Variants in TENM1 observed in about 807,000 individuals in gnomAD.
TENM1 encodes the protein teneurin-1.
A neutral mutation model predicts 174.8 loss-of-function variants in TENM1; 35 were observed. That is an observed-to-expected ratio of 0.20 (90% confidence interval 0.15 to 0.27). The LOEUF (loss-of-function observed/expected upper bound fraction) is 0.27. Among genes scored for constraint, TENM1 ranks in the 10% least tolerant of loss-of-function variants. The pLI is 1.00. For synonymous variants in TENM1, 781 were observed against 798.7 expected (o/e 0.98, Z 0.37); for missense variants, 1,633 against 2,130.1 (o/e 0.77, Z 4.59).
At chrX:124,833,794 C>G (rs1165717882) in intron 3 of TENM1, among the ~76,000 whole-genome samples, 1 of 111,180 alleles carries the variant, frequency 9.0e-6, no homozygotes, top group East Asian at 2.8e-4. Context: ...TATGTCCTTT[C>G]TATCAACCCC....
At chrX:125,106,901 G>A in the TENM1 span, among the ~76,000 whole-genome samples, 23 of 111,765 alleles carry the variant, frequency 2.1e-4, no homozygotes, top group Non-Finnish European at 3.6e-4. Context: ...GAAAGGAAAC[G>A]GTCACAGAAA....
At chrX:124,764,309 T>C (rs184037485) in intron 3 of TENM1, among the ~76,000 whole-genome samples, 3 of 111,864 alleles carry the variant, frequency 2.7e-5, no homozygotes, top group Admixed American at 9.5e-5. Context: ...CCTTTTTATG[T>C]TGCTGTGAAG....
At chrX:124,868,943 G>A (rs1208106335) in intron 3 of TENM1, among the ~76,000 whole-genome samples, 1 of 109,665 alleles carries the variant, frequency 9.1e-6, no homozygotes, top group Non-Finnish European at 1.9e-5. Flanking sequence ...GATCTCACCC[G>A]GCTGGGCGTG....
chrX:124,749,419 C>T (rs1285649629), intron 3 of TENM1, among the ~76,000 whole-genome samples: 2 of 112,037 alleles, frequency 1.8e-5, no homozygotes, highest in Non-Finnish European at 3.8e-5. Context: ...GAGCCATTTC[C>T]ATGAATACAA....
At chrX:124,868,525 A>G (rs755965093) in intron 3 of TENM1, among the ~76,000 whole-genome samples, 5 of 111,628 alleles carry the variant, frequency 4.5e-5, no homozygotes, top group Non-Finnish European at 9.4e-5. Context: ...CTACGAAACT[A>G]CTACAAGAAA....
intron 23 of TENM1, among the ~76,000 whole-genome samples, chrX:124,443,068 G>GTGTGTA (rs1556638298): frequency 2.7e-4 from 19 of 71,355 alleles, no homozygotes; most frequent in African/African-American, 7.8e-4. Context: ...GTGTGTGTGT[G>GTGTGTA]TGTGTGTGTG....
chrX:125,049,293 G>A, the TENM1 span, among the ~76,000 whole-genome samples: 59 of 111,741 alleles, frequency 5.3e-4, no homozygotes, highest in Admixed American at 5.5e-3. Flanking sequence ...CTATTTCTAT[G>A]GATTTGGCTA....
intron 1 of TENM1, among the ~76,000 whole-genome samples, chrX:124,953,409 T>G (rs1457779795): frequency 8.9e-6 from 1 of 111,944 alleles, no homozygotes; most frequent in Admixed American, 9.5e-5. Context: ...TTTCACTAAC[T>G]TTCCTTTTAC....
chrX:124,930,567 C>T (rs1380727767), intron 1 of TENM1, among the ~76,000 whole-genome samples: 1 of 112,027 alleles, frequency 8.9e-6, no homozygotes, highest in Non-Finnish European at 1.9e-5. Context: ...TATATGTGCA[C>T]TTTTTCTCCC....
At chrX:125,091,548 G>C in the TENM1 span, among the ~76,000 whole-genome samples, 46 of 111,520 alleles carry the variant, frequency 4.1e-4, no homozygotes, top group Non-Finnish European at 2.8e-4. Context: ...TGATTCATGG[G>C]GGTATAAGAA....
At chrX:124,475,821 T>A (rs1387670080) in intron 22 of TENM1, among the ~76,000 whole-genome samples, 1 of 111,333 alleles carries the variant, frequency 9.0e-6, no homozygotes, top group African/African-American at 3.3e-5. Flanking sequence ...GCCAACATTA[T>A]CAAAAACGCA....
chrX:124,996,559 AC>A, the TENM1 span, among the ~76,000 whole-genome samples: 1 of 108,015 alleles, frequency 9.3e-6, no homozygotes, highest in Non-Finnish European at 1.9e-5. Context: ...CCACACACAC[AC>A]ACACACACAC....
intron 3 of TENM1, among the ~76,000 whole-genome samples, chrX:124,807,933 A>G (rs139430420): frequency 0.015 from 1,680 of 108,494 alleles, 33 homozygotes; most frequent in African/African-American, 0.051. Context: ...GAAGGAAGGT[A>G]CCAAAGAATC....
At chrX:124,423,001 C>G (rs2060671892) in intron 23 of TENM1, among the ~76,000 whole-genome samples, 1 of 111,855 alleles carries the variant, frequency 8.9e-6, no homozygotes, top group African/African-American at 3.3e-5. Flanking sequence ...ATCAGAAACC[C>G]TGGAGGTGGG....
At chrX:124,518,388 T>C (rs2047765149) in intron 18 of TENM1, among the ~76,000 whole-genome samples, 1 of 91,969 alleles carries the variant, frequency 1.1e-5, no homozygotes, top group African/African-American at 4.2e-5. Context: ...AGATTATGCG[T>C]GTGTGTGTGT....
intron 3 of TENM1, among the ~76,000 whole-genome samples, chrX:124,797,144 T>C (rs1297080027): frequency 8.9e-6 from 1 of 111,864 alleles, no homozygotes; most frequent in African/African-American, 3.2e-5. Flanking sequence ...CCTGGCATTT[T>C]TGGGTTGTAG....
intron 23 of TENM1, among the ~76,000 whole-genome samples, chrX:124,424,937 C>T (rs1005503265): frequency 7.2e-5 from 8 of 111,250 alleles, no homozygotes; most frequent in African/African-American, 2.6e-4. Flanking sequence ...GCTTCTTGTA[C>T]AGCCTGTGAA....
At chrX:124,502,786 C>G (rs1327182325) in intron 19 of TENM1, among the ~76,000 whole-genome samples, 1 of 112,145 alleles carries the variant, frequency 8.9e-6, no homozygotes, top group African/African-American at 3.2e-5. Context: ...CTATAGTAGG[C>G]GGTCTCTTTC....
At chrX:124,671,906 T>C in intron 5 of TENM1, 71 bp from the exon 9 acceptor site, 1 of 1,100,150 alleles carries the variant, frequency 9.1e-7, no homozygotes, top group Non-Finnish European at 1.2e-6. Flanking sequence ...AGGTATCCCT[T>C]TGCACCTAAA....
Sources: gnomAD v4.1 joint callset for allele counts (sites outside exome capture counted in the v4.1 genomes callset) on GRCh38, gnomAD v4.1.1 for gene constraint, MANE v1.5 for transcripts, NCBI Gene and HGNC (gene_info 2026-07-23, HGNC 2026-07-21) for gene names.